RAD18: variants seen among roughly 807,000 people sequenced by gnomAD.
RAD18 encodes the protein RAD18 E3 ubiquitin protein ligase, also known as E3 ubiquitin-protein ligase RAD18.
In RAD18, 47 loss-of-function variants were observed where a neutral mutation model predicts 60.4. That is an observed-to-expected ratio of 0.78 (90% CI 0.62 to 0.99). RAD18 has a LOEUF of 0.99. Ranked by LOEUF, RAD18 falls within the 50% of genes least tolerant of loss-of-function variation. The pLI, the probability that RAD18 is intolerant of heterozygous loss-of-function variation, is 0.00. For missense variants in RAD18, 640 were observed against 593.3 expected (o/e 1.08, Z -0.82); for synonymous variants, 225 against 195.5 (o/e 1.15, Z -1.26).
rs1004739087 is a variant in RAD18, at chr3:8,913,754, C to G, written c.890-34G>C. The G allele has an allele frequency of 1.0e-5, 14 of 1,357,714 alleles. No individual in the cohort carries two copies. The Admixed American group carries it at 2.7e-4, about 27-fold the overall frequency. The allele number at this position is 1,357,714 out of a possible 1,614,324, so 84.1% of individuals were successfully genotyped here. A position where few individuals can be genotyped will look rare whatever the true frequency, so the allele number is the denominator to read the frequency against. ...ATAAGAAAATAACCACTAGGTTAAT[C>G]ACATGTCTTTTTTAATCACTGTACA... On this transcript the variant is annotated intron_variant, in intron 7 of 12. Coordinates refer to ENST00000264926, the MANE Select transcript of RAD18 (RefSeq NM_020165.4).
intron 8 of RAD18, among the ~76,000 whole-genome samples, chr3:8,913,420 G>A (rs983271348): frequency 6.6e-6 from 1 of 152,142 alleles, no homozygotes; most frequent in Non-Finnish European, 1.5e-5. Context: ...ATTTTCTATA[G>A]AACTCTAGCT....
intron 6 of RAD18, among the ~76,000 whole-genome samples, chr3:8,937,505 A>C (rs552570813): frequency 6.7e-6 from 1 of 150,088 alleles, no homozygotes; most frequent in South Asian, 2.1e-4. Context: ...ATGGTTTTAT[A>C]TAGAAGGGTT....
rs148023036 is a variant in RAD18, at chr3:8,953,602, A to G, written c.134-5032T>C. ...CCAGAGGGCTTCATTTAAATCACCT[A>G]TGAAATTTGTCTTTCCATCCAAGAG... is the stretch of plus-strand genomic sequence containing the variant. On this transcript the variant is annotated intron_variant, in intron 2 of 12. Transcript: ENST00000264926. 7.0e-3 allele frequency among the ~76,000 whole-genome samples: 1,063 copies of G among 152,318 alleles called. 9 individuals carry two copies. Among genetic ancestry groups the G allele is most frequent in the African/African-American group, 0.025 (1,020 of 41,576 alleles).
intron 7 of RAD18, among the ~76,000 whole-genome samples, chr3:8,929,938 C>T (rs145000683): frequency 4.6e-4 from 70 of 152,294 alleles, no homozygotes; most frequent in African/African-American, 1.5e-3. Flanking sequence ...TGAGCCACTG[C>T]GCCCGGCACA....
chr3:8,881,415 C>T lies in RAD18; in HGVS notation c.1430G>A (p.Arg477His), dbSNP rs149913355. 1.5e-4 allele frequency: 250 copies of T among 1,613,074 alleles called. No individual in the cohort carries two copies. The highest frequency in any genetic ancestry group is 3.3e-4 in the South Asian group (30 of 91,044). ...DTEISPRQNR[R>H]TRAAESAEIE... is the part of the protein sequence containing the mutation. Reference sequence around the variant, plus strand: ...CTCAGCACTTTCAGCGGCTCTTGTGCGGCGATTCTGTCTTGGACTTATTTC... The same window carrying T: ...CTCAGCACTTTCAGCGGCTCTTGTGTGGCGATTCTGTCTTGGACTTATTTC... The change falls in exon 13 of 13, where the codon CGC becomes CAC. Residue 477 changes from arginine (R) to histidine (H), a missense_variant. Physicochemically the swap from Arg to His is conservative, Grantham distance 29 (BLOSUM62 0). Transcript: ENST00000264926.
At chr3:8,938,243 AG>A (rs1385667461) in intron 6 of RAD18, among the ~76,000 whole-genome samples, 1 of 152,184 alleles carries the variant, frequency 6.6e-6, no homozygotes, top group African/African-American at 2.4e-5. Context: ...AAACTGCCCC[AG>A]GTTTGGACTC....
intron 6 of RAD18, among the ~76,000 whole-genome samples, chr3:8,939,334 G>C (rs1940704411): frequency 6.6e-6 from 1 of 152,126 alleles, no homozygotes; most frequent in African/African-American, 2.4e-5. Flanking sequence ...TTTAGTAGCA[G>C]TTCAAATATT....
At chr3:8,945,601 A>G (rs1050864794) in intron 4 of RAD18, among the ~76,000 whole-genome samples, 13 of 150,596 alleles carry the variant, frequency 8.6e-5, no homozygotes, top group Non-Finnish European at 1.5e-4. Context: ...CCTCCCAAGT[A>G]GCTGGGATTA....
chr3:8,926,591 G>A (rs1032578428), intron 7 of RAD18, among the ~76,000 whole-genome samples: 17 of 152,136 alleles, frequency 1.1e-4, no homozygotes, highest in Non-Finnish European at 1.3e-4. Flanking sequence ...AAAGGAACCC[G>A]CATTGCCAAG....
intron 9 of RAD18, among the ~76,000 whole-genome samples, chr3:8,907,194 G>C (rs554864538): frequency 6.6e-6 from 1 of 152,292 alleles, no homozygotes; most frequent in African/African-American, 2.4e-5. Context: ...GTATTATAAG[G>C]CTCATCGCAT....
chr3:8,924,170 T>G (rs1291161467), intron 7 of RAD18, among the ~76,000 whole-genome samples: 1 of 151,924 alleles, frequency 6.6e-6, no homozygotes, highest in Non-Finnish European at 1.5e-5. Flanking sequence ...GAAACTCATC[T>G]CACATGCAGA....
chr3:8,936,392 C>T (rs1940653792), intron 6 of RAD18, among the ~76,000 whole-genome samples: 1 of 152,180 alleles, frequency 6.6e-6, no homozygotes, highest in Non-Finnish European at 1.5e-5. Flanking sequence ...TAGAATCACA[C>T]TTACATAGAC....
chr3:8,937,345 C>A (rs78587561), intron 6 of RAD18, among the ~76,000 whole-genome samples: 1 of 151,480 alleles, frequency 6.6e-6, no homozygotes, highest in African/African-American at 2.4e-5. Flanking sequence ...AAAAGCACCA[C>A]CAGAGATCAA....
At chr3:8,940,752 T>G (rs915871944) in intron 5 of RAD18, among the ~76,000 whole-genome samples, 1 of 152,132 alleles carries the variant, frequency 6.6e-6, no homozygotes, top group African/African-American at 2.4e-5. Flanking sequence ...AACAAATGAA[T>G]AGTGAGGATC....
chr3:8,916,488 C>T (rs533177564), intron 7 of RAD18, among the ~76,000 whole-genome samples: 41 of 152,246 alleles, frequency 2.7e-4, no homozygotes, highest in African/African-American at 8.9e-4. Context: ...AAAAAAAAGT[C>T]TGGCACCTCA....
At position 8,939,629 on chromosome 3, in the gene RAD18, T is replaced by C; in HGVS notation, c.629A>G (p.Asn210Ser). Residue 210 changes from asparagine (N) to serine (S), a missense_variant, in exon 6 of 13, where the codon AAC becomes AGC. Transcript: ENST00000264926. Reference protein sequence around the residue: ...TKVDCPVCGVNIPESHINKHL... With the variant: ...TKVDCPVCGVSIPESHINKHL... ...CTTATTAATGTGACTTTCTGGAATG[T>C]TAACCCCGCAAACAGGACAATCCAC... 1 of 1,612,842 alleles carries C rather than the reference T, an allele frequency of 6.2e-7. No homozygotes were observed. The highest frequency in any genetic ancestry group is 1.1e-5 in the South Asian group (1 of 90,964).
chr3:8,925,435 A>G (rs1288507969), intron 7 of RAD18, among the ~76,000 whole-genome samples: 1 of 152,232 alleles, frequency 6.6e-6, no homozygotes, highest in Non-Finnish European at 1.5e-5. Flanking sequence ...TACCAACCAA[A>G]AAAAGTCCAG....
At chr3:8,952,051 TC>T (rs35134755) in intron 2 of RAD18, among the ~76,000 whole-genome samples, 6,017 of 152,264 alleles carry the variant, frequency 0.04, 401 homozygotes, top group African/African-American at 0.13. Context: ...AAAGGCCTCA[TC>T]TTCAAACACC....
At chr3:8,953,423 T>C (rs138662968) in intron 2 of RAD18, among the ~76,000 whole-genome samples, 191 of 152,280 alleles carry the variant, frequency 1.3e-3, no homozygotes, top group African/African-American at 4.4e-3. Flanking sequence ...GAGTCCTAAG[T>C]AGATCAAGCC....
Sources: gnomAD v4.1 joint callset for allele counts (sites outside exome capture counted in the v4.1 genomes callset) on GRCh38, gnomAD v4.1.1 for gene constraint, MANE v1.5 for transcripts, NCBI Gene and HGNC (gene_info 2026-07-23, HGNC 2026-07-21) for gene names.